Variants in TEK observed in about 807,000 individuals in gnomAD.
TEK encodes TEK receptor tyrosine kinase, also known as angiopoietin-1 receptor.
TEK carries 43 observed loss-of-function variants against 131.8 expected under a neutral mutation model. The observed-to-expected ratio is 0.33, with a 90% CI of 0.26 to 0.42. The LOEUF (loss-of-function observed/expected upper bound fraction) is 0.42, where lower values mean the gene tolerates loss of function less well. TEK is among the 10% of genes least tolerant of loss of function. The pLI is 1.00. For synonymous variants in TEK, 580 were observed against 491.6 expected, an observed-to-expected ratio of 1.18 and a Z score of -2.38; for missense variants, 1,162 against 1,384.4, an observed-to-expected ratio of 0.84 and a Z score of 2.55.
chr9:27,134,683 C>T (rs1403124551), intron 1 of TEK, among the ~76,000 whole-genome samples: 1 of 152,122 alleles, frequency 6.6e-6, no homozygotes, highest in Non-Finnish European at 1.5e-5. Context: ...CTAGATGATA[C>T]ATGTATGCCA....
intron 9 of TEK, among the ~76,000 whole-genome samples, chr9:27,188,040 T>G (rs564901534): frequency 5.9e-5 from 9 of 152,132 alleles, no homozygotes; most frequent in African/African-American, 2.2e-4. Context: ...TAAACAGTAA[T>G]AAAAAAGAAT....
chr9:27,111,452 A>G (rs1821342733), intron 1 of TEK, among the ~76,000 whole-genome samples: 1 of 151,852 alleles, frequency 6.6e-6, no homozygotes, highest in Non-Finnish European at 1.5e-5. Flanking sequence ...AAAGCAGTGG[A>G]GCAAGGGGCT....
At chr9:27,114,519 C>T (rs1349504434) in intron 1 of TEK, among the ~76,000 whole-genome samples, 1 of 151,294 alleles carries the variant, frequency 6.6e-6, no homozygotes, top group Admixed American at 6.6e-5. Context: ...TGCAGTGAGC[C>T]GAGATTATGC....
intron 1 of TEK, among the ~76,000 whole-genome samples, chr9:27,128,078 T>G (rs1822059509): frequency 6.6e-6 from 1 of 152,230 alleles, no homozygotes; most frequent in South Asian, 2.1e-4. Flanking sequence ...TGGTATTGCC[T>G]AGGTTTTCTT....
intron 4 of TEK, 85 bp from the exon 5 acceptor site, chr9:27,172,531 A>G: frequency 6.4e-7 from 1 of 1,570,246 alleles, no homozygotes; most frequent in South Asian, 1.1e-5. Context: ...TGTCCACTGA[A>G]TGACTGACAC....
At chr9:27,141,295 G>C (rs62544600) in intron 1 of TEK, among the ~76,000 whole-genome samples, 1 of 151,836 alleles carries the variant, frequency 6.6e-6, no homozygotes, top group African/African-American at 2.4e-5. Flanking sequence ...TTATTTTGAT[G>C]TATACACCCT....
At chr9:27,176,445 C>T (rs2131156766) in intron 6 of TEK, among the ~76,000 whole-genome samples, 1 of 152,306 alleles carries the variant, frequency 6.6e-6, no homozygotes, top group African/African-American at 2.4e-5. Context: ...CCAACAGAAA[C>T]TTGATTTCAG....
chr9:27,144,897 T>C (rs1203744438), intron 1 of TEK, among the ~76,000 whole-genome samples: 2 of 152,168 alleles, frequency 1.3e-5, no homozygotes, highest in Admixed American at 6.5e-5. Flanking sequence ...AAGAGAATTC[T>C]TGGAGCAAAA....
At position 27,192,524 on chromosome 9, in the gene TEK, C is replaced by G. The variant is rs770814923; in HGVS notation, c.1525C>G (p.Pro509Ala). The part of the protein sequence containing the change: ...NEIVTLNYLE[P>A]RTEYELCVQL... ...GATTGTTACACTCAACTATTTGGAACCTCGGACAGAATATGAACTCTGTGT... is the reference window on the plus strand; with the variant it reads ...GATTGTTACACTCAACTATTTGGAAGCTCGGACAGAATATGAACTCTGTGT... The change falls in exon 11 of 23, where the codon CCT becomes GCT. Residue 509 changes from proline to alanine, a missense_variant. Transcript: ENST00000380036. The G allele has an allele frequency of 1.9e-6, 3 of 1,613,848 alleles. No homozygotes were observed. Among genetic ancestry groups the G allele is most frequent in the Admixed American group, 1.7e-5 (1 of 59,994 alleles).
At chr9:27,118,563 G>A (rs1821659724) in intron 1 of TEK, among the ~76,000 whole-genome samples, 1 of 152,156 alleles carries the variant, frequency 6.6e-6, no homozygotes, top group African/African-American at 2.4e-5. Flanking sequence ...TAGCCTGGGG[G>A]TTTTAGGCTG....
intron 21 of TEK, among the ~76,000 whole-genome samples, chr9:27,226,966 G>A (rs1826358599): frequency 6.6e-6 from 1 of 151,588 alleles, no homozygotes; most frequent in South Asian, 2.1e-4. Context: ...TCTCACTGGA[G>A]CAAGAAGCAT....
At chr9:27,125,460 C>T (rs780940881) in intron 1 of TEK, among the ~76,000 whole-genome samples, 1 of 152,190 alleles carries the variant, frequency 6.6e-6, no homozygotes, top group Non-Finnish European at 1.5e-5. Context: ...TTAGAGGCCC[C>T]CTTTTTCTCT....
rs777407418 is a variant in TEK, at chr9:27,209,116, C to T, written c.2576-5C>T. 1 of 1,606,836 alleles carries T rather than the reference C, an allele frequency of 6.2e-7. No homozygotes were observed. The highest frequency in any genetic ancestry group is 1.1e-5 in the South Asian group (1 of 90,922). ...AAGAATCACAACCCTTGACTTTCTT[C>T]CCAGAATATGCCTCCAAAGATGATC... is the stretch of plus-strand genomic sequence containing the variant. On this transcript the variant is annotated splice_polypyrimidine_tract_variant and splice_region_variant and intron_variant, in intron 15 of 22. Transcript: ENST00000380036.
intron 11 of TEK, chr9:27,195,688 T>G (rs1299066481): frequency 4.4e-6 from 2 of 455,972 alleles, no homozygotes; most frequent in African/African-American, 2.0e-5. Flanking sequence ...ATAAGACATC[T>G]CGAAAGAAGG....
intron 1 of TEK, among the ~76,000 whole-genome samples, chr9:27,116,694 C>T (rs543955767): frequency 3.3e-5 from 5 of 152,118 alleles, no homozygotes; most frequent in African/African-American, 7.2e-5. Context: ...AGTGAAGCCA[C>T]GGGCATGGCT....
intron 13 of TEK, among the ~76,000 whole-genome samples, chr9:27,204,179 C>G (rs937347043): frequency 6.6e-6 from 1 of 152,038 alleles, no homozygotes; most frequent in Admixed American, 6.6e-5. Context: ...TGTATCTGTA[C>G]ATATATAGAG....
chr9:27,181,824 G>A (rs1021476340), intron 7 of TEK, among the ~76,000 whole-genome samples: 1 of 152,054 alleles, frequency 6.6e-6, no homozygotes, highest in Non-Finnish European at 1.5e-5. Context: ...AATATGTATT[G>A]CTTTTTCAAT....
intron 1 of TEK, among the ~76,000 whole-genome samples, chr9:27,113,616 T>C (rs1245712436): frequency 2.0e-5 from 3 of 151,524 alleles, no homozygotes; most frequent in African/African-American, 7.3e-5. Flanking sequence ...AAATAAATAA[T>C]GAAGCTAGTA....
At position 27,121,635 on chromosome 9, in the gene TEK, CAT is replaced by C. The variant is rs550907059; in HGVS notation, c.52+11996_52+11997del. On this transcript the variant is annotated intron_variant, in intron 1 of 22. Coordinates refer to ENST00000380036, the MANE Select transcript of TEK (RefSeq NM_000459.5). ...TATGTATATATGTGTGCATATGTAT[CAT>C]ATCAGTCATGTGATTTCATGATTAG... 4.4e-3 allele frequency among the ~76,000 whole-genome samples: 669 copies of C among 151,674 alleles called. 6 individuals are homozygous for C. The highest frequency in any genetic ancestry group is 0.016 in the African/African-American group (646 of 41,384).
Sources: gnomAD v4.1 joint callset for allele counts (sites outside exome capture counted in the v4.1 genomes callset) on GRCh38, gnomAD v4.1.1 for gene constraint, MANE v1.5 for transcripts, NCBI Gene and HGNC (gene_info 2026-07-23, HGNC 2026-07-21) for gene names.